Variants in SLC26A5 observed in about 807,000 individuals in gnomAD.
The protein encoded by SLC26A5 is solute carrier family 26 member 5, also known as prestin.
A neutral mutation model predicts 81.0 loss-of-function variants in SLC26A5; 51 were observed. The ratio of observed to expected loss-of-function variants is 0.63; its 90% CI spans 0.50 to 0.80. The LOEUF is 0.80. Ranked by LOEUF, SLC26A5 falls within the 30% of genes least tolerant of loss-of-function variation. SLC26A5 has a pLI of 0.00. For synonymous variants in SLC26A5, 325 were observed against 332.8 expected (o/e 0.98, Z 0.25); for missense variants, 771 against 905.8 (o/e 0.85, Z 1.91).
Position 103,439,392 on chromosome 7 carries a change from A to C in SLC26A5, c.-54+3691T>G, listed in dbSNP as rs184250864. Among the ~76,000 whole-genome samples the C allele has an allele frequency of 5.3e-5, 8 of 152,334 alleles. No individual in the cohort carries two copies. In the East Asian group the frequency reaches 1.5e-3, roughly 29 times the overall value. On this transcript the variant is annotated intron_variant, in intron 2 of 19. Coordinates refer to ENST00000306312, the MANE Select transcript of SLC26A5 (RefSeq NM_198999.3). ...ACATCACCTTACAAGTATCCCACTGAAAAGGGGCCCTGTGTGATCTTTAGC... is the reference window on the plus strand; with the variant it reads ...ACATCACCTTACAAGTATCCCACTGCAAAGGGGCCCTGTGTGATCTTTAGC...
chr7:103,430,968 T>G (rs527335798), intron 2 of SLC26A5, among the ~76,000 whole-genome samples: 2 of 152,346 alleles, frequency 1.3e-5, no homozygotes, highest in South Asian at 4.1e-4. Context: ...CTTCCAGCAC[T>G]AATTTGCTGT....
At chr7:103,392,206 GA>G (rs1292216409) in intron 10 of SLC26A5, among the ~76,000 whole-genome samples, 1 of 152,184 alleles carries the variant, frequency 6.6e-6, no homozygotes, top group Non-Finnish European at 1.5e-5. Context: ...CTGCATCTCA[GA>G]TGAATGTGGA....
At chr7:103,437,376 T>C (rs987336829) in intron 2 of SLC26A5, among the ~76,000 whole-genome samples, 2 of 152,186 alleles carry the variant, frequency 1.3e-5, no homozygotes, top group Non-Finnish European at 2.9e-5. Flanking sequence ...GCTATGACAG[T>C]TCCTCAGAAA....
chr7:103,391,162 C>T (rs746789406), intron 11 of SLC26A5, among the ~76,000 whole-genome samples: 2 of 152,138 alleles, frequency 1.3e-5, no homozygotes, highest in African/African-American at 2.4e-5. Flanking sequence ...CGCACTTGGC[C>T]GGCCATTTAC....
At chr7:103,435,502 G>A (rs1408208828) in intron 2 of SLC26A5, among the ~76,000 whole-genome samples, 2 of 152,172 alleles carry the variant, frequency 1.3e-5, no homozygotes, top group Admixed American at 6.5e-5. Flanking sequence ...TTTGTGTACC[G>A]GAGTGGGCTT....
intron 9 of SLC26A5, among the ~76,000 whole-genome samples, chr7:103,395,585 G>A (rs865896947): frequency 2.7e-5 from 4 of 147,026 alleles, no homozygotes; most frequent in Admixed American, 1.4e-4. Flanking sequence ...ATGCCATGGC[G>A]TGATCTTGAC....
intron 4 of SLC26A5, among the ~76,000 whole-genome samples, chr7:103,417,623 A>G (rs2116698321): frequency 6.6e-6 from 1 of 152,266 alleles, no homozygotes; most frequent in South Asian, 2.1e-4. Context: ...TGATATCTCT[A>G]GCCCCTACCT....
At chr7:103,405,191 G>A (rs1022571914) in intron 8 of SLC26A5, among the ~76,000 whole-genome samples, 6 of 151,950 alleles carry the variant, frequency 3.9e-5, no homozygotes, top group South Asian at 2.1e-4. Flanking sequence ...CTGTCCATTC[G>A]TCAAACTCAT....
chr7:103,445,555 G>C (rs944013665), intron 1 of SLC26A5: 1 of 152,220 alleles, frequency 6.6e-6, no homozygotes, highest in African/African-American at 2.4e-5. Flanking sequence ...TCAGAGACCC[G>C]GGGTTTGAGC....
chr7:103,410,251 A>G, intron 7 of SLC26A5, 134 bp downstream of exon 7: 1 of 787,624 alleles, frequency 1.3e-6, no homozygotes, highest in South Asian at 1.6e-5. Context: ...CTTAGAATAA[A>G]TGAATTTTTC....
intron 19 of SLC26A5, among the ~76,000 whole-genome samples, chr7:103,353,392 C>T (rs528577652): frequency 3.2e-4 from 49 of 152,142 alleles, no homozygotes; most frequent in Non-Finnish European, 6.5e-4. Flanking sequence ...CTGCAACCTC[C>T]GCCTCCTGGG....
At chr7:103,408,315 C>T (rs575177152) in intron 7 of SLC26A5, among the ~76,000 whole-genome samples, 229 of 152,284 alleles carry the variant, frequency 1.5e-3, no homozygotes, top group Non-Finnish European at 2.7e-3. Context: ...CAACCTCTGC[C>T]TCCCAGGTTC....
chr7:103,382,252 C>T (rs1284475062), intron 14 of SLC26A5, among the ~76,000 whole-genome samples: 5 of 150,996 alleles, frequency 3.3e-5, no homozygotes, highest in African/African-American at 1.2e-4. Context: ...CAATTGAGGG[C>T]GTGGGGAGAA....
chr7:103,392,876 T>C (rs746412937), intron 10 of SLC26A5, 43 bp downstream of exon 10: 10 of 1,611,890 alleles, frequency 6.2e-6, no homozygotes, highest in African/African-American at 2.7e-5. Flanking sequence ...ACATTGGTGA[T>C]TGTACTGCTA....
intron 19 of SLC26A5, chr7:103,364,410 TTC>T: frequency 7.6e-7 from 1 of 1,319,396 alleles, no homozygotes; most frequent in Non-Finnish European, 1.0e-6. Context: ...GACCTGAAAT[TTC>T]TTTTTTCTTT....
In SLC26A5 at chr7:103,412,844, C is replaced by T. The variant is rs538663137; in HGVS notation, c.403+158G>A. ...GGGATTACAGGGATGAGCCACCGCACCTGGCCGAGTGTAGGTTTTTAAAGC... is the reference window on the plus strand; with the variant it reads ...GGGATTACAGGGATGAGCCACCGCATCTGGCCGAGTGTAGGTTTTTAAAGC... On this transcript the variant is annotated intron_variant, in intron 5 of 19. Transcript: ENST00000306312. 3.0e-4 allele frequency among the ~76,000 whole-genome samples: 45 copies of T among 152,172 alleles called. 1 individual carries two copies. The South Asian group carries it at 8.7e-3, about 29-fold the overall frequency.
intron 1 of SLC26A5, among the ~76,000 whole-genome samples, chr7:103,443,727 T>A (rs1827054110): frequency 6.6e-6 from 1 of 152,260 alleles, no homozygotes; most frequent in Admixed American, 6.5e-5. Flanking sequence ...AGGGGCCATG[T>A]ATTTATTCTA....
At position 103,378,432 on chromosome 7, in the gene SLC26A5, A is replaced by G; in HGVS notation, c.1785+14T>C. ...CAAGACAGAACGGATTATTTCAATGAAAAGACCACTCACTGCTTTGACAAC... is the reference window on the plus strand; with the variant it reads ...CAAGACAGAACGGATTATTTCAATGGAAAGACCACTCACTGCTTTGACAAC... On this transcript the variant is annotated intron_variant, in intron 17 of 19. Coordinates refer to ENST00000306312, the MANE Select transcript of SLC26A5 (RefSeq NM_198999.3). The G allele has an allele frequency of 6.2e-7, 1 of 1,611,200 alleles. No homozygotes were observed. Among genetic ancestry groups the G allele is most frequent in the South Asian group, 1.1e-5 (1 of 91,022 alleles).
chr7:103,354,273 A>G (rs530198780), intron 19 of SLC26A5, among the ~76,000 whole-genome samples: 241 of 152,302 alleles, frequency 1.6e-3, no homozygotes, highest in Non-Finnish European at 2.5e-3. Flanking sequence ...TCATTTACAC[A>G]AGTTTACTAT....
Sources: allele counts gnomAD v4.1 joint callset (sites outside exome capture counted in the v4.1 genomes callset), GRCh38; gene constraint gnomAD v4.1.1; transcripts MANE v1.5; gene names NCBI Gene and HGNC (gene_info 2026-07-23, HGNC 2026-07-21).